Variants in BEND7 observed in about 807,000 individuals in gnomAD.
The protein encoded by BEND7 is BEN domain-containing protein 7.
A neutral mutation model predicts 50.9 loss-of-function variants in BEND7; 28 were observed. The observed-to-expected ratio is 0.55, with a 90% confidence interval of 0.41 to 0.75. The LOEUF is 0.75. Among genes scored for constraint, BEND7 ranks in the 30% least tolerant of loss-of-function variants. BEND7 has a pLI of 0.00. For synonymous variants in BEND7, 170 were observed against 183.9 expected, an observed-to-expected ratio of 0.92 and a Z score of 0.61; for missense variants, 477 against 491.3, an observed-to-expected ratio of 0.97 and a Z score of 0.28.
Position 13,448,221 on chromosome 10 carries a change from C to CG in BEND7, c.1184-906dup, listed in dbSNP as rs1432489495. Among the ~76,000 whole-genome samples the CG allele has an allele frequency of 2.6e-5, 4 of 151,874 alleles. No homozygotes were observed. In the East Asian group the frequency reaches 5.8e-4, roughly 22 times the overall value. ...GTCACAAAAAACCTTCTGTTACATG[C>CG]GAAAAAAAAGGTGCACGTGTGTCTC... On this transcript the variant is annotated intron_variant, in intron 7 of 8. Coordinates refer to ENST00000466271, the MANE Select transcript of BEND7 (RefSeq NM_001369863.1).
At position 13,500,176 on chromosome 10, in the gene BEND7, G is replaced by C. The variant is rs921729645; in HGVS notation, c.146-96C>G. On this transcript the variant is annotated intron_variant, in intron 2 of 8. Coordinates refer to ENST00000466271, the MANE Select transcript of BEND7 (RefSeq NM_001369863.1). ...AGAGAAAGAAAAACAACCCTTCTTT[G>C]GAAATGGGAAAGATGACTGACTCTA... 30 of 1,040,830 alleles carry C rather than the reference G, an allele frequency of 2.9e-5. No homozygotes were observed. In the African/African-American group the frequency reaches 4.4e-4, roughly 15 times the overall value. The allele number at this position is 1,040,830 out of a possible 1,614,324, so 64.5% of individuals were successfully genotyped here.
intron 6 of BEND7, among the ~76,000 whole-genome samples, chr10:13,455,370 G>A (rs1486180476): frequency 6.6e-6 from 1 of 152,026 alleles, no homozygotes; most frequent in African/African-American, 2.4e-5. Flanking sequence ...TGGGGAGAGT[G>A]GAGGGGAGGC....
intron 2 of BEND7, among the ~76,000 whole-genome samples, chr10:13,508,202 C>G (rs1268382652): frequency 6.6e-6 from 1 of 152,190 alleles, no homozygotes; most frequent in Non-Finnish European, 1.5e-5. Context: ...AAGGTCCCAG[C>G]TGGCAGCCTG....
chr10:13,447,147 C>A (rs1836523809), intron 8 of BEND7, 119 bp downstream of exon 8: 1 of 819,780 alleles, frequency 1.2e-6, no homozygotes, highest in Non-Finnish European at 1.9e-6. Flanking sequence ...GCCTGGTCCA[C>A]TGCAGAAGCA....
chr10:13,485,584 A>G (rs921415005), intron 5 of BEND7, among the ~76,000 whole-genome samples: 4 of 152,250 alleles, frequency 2.6e-5, no homozygotes, highest in Admixed American at 6.5e-5. Flanking sequence ...TGAAAAGCCT[A>G]TAACAGGATT....
At chr10:13,456,394 T>C (rs1027952814) in intron 6 of BEND7, among the ~76,000 whole-genome samples, 2 of 152,166 alleles carry the variant, frequency 1.3e-5, no homozygotes, top group African/African-American at 2.4e-5. Context: ...ATCCACTACA[T>C]AGGCTAGGCC....
chr10:13,510,257 A>C (rs1162581715), intron 2 of BEND7, among the ~76,000 whole-genome samples: 2 of 152,246 alleles, frequency 1.3e-5, no homozygotes, highest in African/African-American at 4.8e-5. Context: ...AATGTAATGA[A>C]AATTAACATA....
At position 13,485,616 on chromosome 10, in the gene BEND7, T is replaced by C. The variant is rs984164093; in HGVS notation, c.838-4492A>G. On this transcript the variant is annotated intron_variant, in intron 5 of 8. Coordinates refer to ENST00000466271, the MANE Select transcript of BEND7 (RefSeq NM_001369863.1). ...GATTCATAAGAGTGCTTAAAGGATG[T>C]GAATTTAGTCTATGTCCATACCACT... is the stretch of plus-strand genomic sequence containing the variant. 3.3e-5 allele frequency among the ~76,000 whole-genome samples: 5 copies of C among 152,246 alleles called. 1 individual carries two copies. The highest frequency in any genetic ancestry group is 3.3e-4 in the Admixed American group (5 of 15,284).
At position 13,447,323 on chromosome 10, in the gene BEND7, G is replaced by T; in HGVS notation, c.1184-7C>A. The T allele has an allele frequency of 6.2e-7, 1 of 1,613,940 alleles. No individual in the cohort carries two copies. The highest frequency in any genetic ancestry group is 8.5e-7 in the Non-Finnish European group (1 of 1,179,906). On this transcript the variant is annotated splice_region_variant and splice_polypyrimidine_tract_variant and intron_variant, in intron 7 of 8. Transcript: ENST00000466271. ...TCATCACTGTCCGCGATCTCTGCTG[G>T]TTACAAACATAAGACACAAATCTCA...
At chr10:13,501,512 G>T (rs79907620) in intron 2 of BEND7, among the ~76,000 whole-genome samples, 160 of 152,092 alleles carry the variant, frequency 1.1e-3, no homozygotes, top group African/African-American at 3.7e-3. Context: ...TCATAAAGAT[G>T]AAGAGAAATG....
At chr10:13,517,225 ATTTTTGTATT>A (rs2078747074) in intron 2 of BEND7, among the ~76,000 whole-genome samples, 1 of 151,940 alleles carries the variant, frequency 6.6e-6, no homozygotes, top group African/African-American at 2.4e-5. Flanking sequence ...CACCTGGCTA[ATTTTTGTATT>A]TTTTTGTAGA....
chr10:13,451,021 G>A, intron 7 of BEND7, among the ~76,000 whole-genome samples: 1 of 151,886 alleles, frequency 6.6e-6, no homozygotes. Context: ...ATAATAATCG[G>A]TCTCAGCATC....
intron 2 of BEND7, among the ~76,000 whole-genome samples, chr10:13,507,636 A>G (rs533414148): frequency 6.6e-6 from 1 of 152,360 alleles, no homozygotes; most frequent in South Asian, 2.1e-4. Context: ...TATCAAAAAG[A>G]AAAACAATGA....
At chr10:13,473,177 TATC>T (rs1294381460) in intron 6 of BEND7, among the ~76,000 whole-genome samples, 2 of 150,042 alleles carry the variant, frequency 1.3e-5, no homozygotes, top group Non-Finnish European at 3.0e-5. Context: ...TCAGGACCAA[TATC>T]ATCATCGCTG....
chr10:13,490,537 G>A (rs1185665159), intron 5 of BEND7, among the ~76,000 whole-genome samples: 1 of 152,144 alleles, frequency 6.6e-6, no homozygotes, highest in East Asian at 1.9e-4. Flanking sequence ...TAGCCCTCCT[G>A]ATCTCCTGCC....
In BEND7 at chr10:13,492,862, T is replaced by A; in HGVS notation, c.586A>T (p.Arg196Ter). 6.3e-7 allele frequency: 1 copy of A among 1,597,820 alleles called. No individual in the cohort carries two copies. The highest frequency in any genetic ancestry group is 8.5e-7 in the Non-Finnish European group (1 of 1,176,422). The change falls in exon 5 of 9, where the codon AGA becomes TGA. Residue 196 changes from arginine to a stop codon, truncating the protein, a stop_gained. Transcript: ENST00000466271. LOFTEE classifies it high-confidence loss of function. ...ATAAGGGAAATTGGAGGTTGTTGTC[T>A]GTTTTGAGTTCCAACTGCGAATAAT... ...MQIQAVGTQN[R>*]QQPPISLICS...
At chr10:13,448,604 T>C (rs967587528) in intron 7 of BEND7, among the ~76,000 whole-genome samples, 1 of 152,186 alleles carries the variant, frequency 6.6e-6, no homozygotes, top group Non-Finnish European at 1.5e-5. Context: ...CTCACTGGCA[T>C]TAATGAAAGA....
At chr10:13,492,574 T>C (rs750744609) in intron 5 of BEND7, 37 bp downstream of exon 5, 17 of 1,605,984 alleles carry the variant, frequency 1.1e-5, no homozygotes, top group Admixed American at 3.5e-5. Context: ...AAAAGTTACA[T>C]AGCATTAGAG....
chr10:13,514,600 G>A (rs187973399), intron 2 of BEND7, among the ~76,000 whole-genome samples: 9 of 152,272 alleles, frequency 5.9e-5, no homozygotes, highest in Admixed American at 3.9e-4. Context: ...TGGGTCGGAC[G>A]TGGGCCACCC....
Sources: allele counts gnomAD v4.1 joint callset (sites outside exome capture counted in the v4.1 genomes callset), GRCh38; gene constraint gnomAD v4.1.1; transcripts MANE v1.5; gene names NCBI Gene and HGNC (gene_info 2026-07-23, HGNC 2026-07-21).